RNF150: variants seen among roughly 807,000 people sequenced by gnomAD.
The protein encoded by RNF150 is ring finger protein 150.
In RNF150, 24 loss-of-function variants were observed where a neutral mutation model predicts 39.3. The ratio of observed to expected loss-of-function variants is 0.61; its 90% confidence interval spans 0.44 to 0.86. The LOEUF (loss-of-function observed/expected upper bound fraction) is 0.86, where lower values mean the gene tolerates loss of function less well. Among genes scored for constraint, RNF150 ranks in the 40% least tolerant of loss-of-function variants. RNF150 has a pLI of 0.00. For missense variants in RNF150, 502 were observed against 587.8 expected (o/e 0.85, Z 1.51); for synonymous variants, 255 against 227.3 (o/e 1.12, Z -1.10).
intron 4 of RNF150, among the ~76,000 whole-genome samples, chr4:140,941,484 A>G (rs1245510340): frequency 6.6e-6 from 1 of 152,218 alleles, no homozygotes; most frequent in South Asian, 2.1e-4. Flanking sequence ...TTTTAGAAAA[A>G]CAGAAGGATC....
rs139879657 is a variant in RNF150, at chr4:140,924,970, T to G, written c.987+1007A>C. On this transcript the variant is annotated intron_variant, in intron 5 of 6. Coordinates refer to ENST00000515673, the MANE Select transcript of RNF150 (RefSeq NM_020724.2). ...TCTGATATTCCTAAGATAATGCATC[T>G]CTGGCATTAAAGTAAACCTTTGATA... Among the ~76,000 whole-genome samples the G allele has an allele frequency of 1.5e-3, 228 of 152,332 alleles. 1 individual carries two copies. Among genetic ancestry groups the G allele is most frequent in the Middle Eastern group, 3.4e-3 (1 of 294 alleles).
intron 5 of RNF150, among the ~76,000 whole-genome samples, chr4:140,917,256 T>C (rs1730872883): frequency 6.6e-6 from 1 of 151,380 alleles, no homozygotes; most frequent in Admixed American, 6.6e-5. Flanking sequence ...GCAAATTGGA[T>C]GAGTCAAGAC....
At chr4:141,000,791 A>T (rs1398967110) in intron 1 of RNF150, among the ~76,000 whole-genome samples, 1 of 152,178 alleles carries the variant, frequency 6.6e-6, no homozygotes, top group African/African-American at 2.4e-5. Context: ...GTTGGGAGGG[A>T]GGCCACGTAA....
intron 1 of RNF150, among the ~76,000 whole-genome samples, chr4:141,188,520 A>G (rs1180053694): frequency 2.0e-5 from 3 of 152,074 alleles, no homozygotes; most frequent in Non-Finnish European, 4.4e-5. Context: ...ACAAAGTCCC[A>G]TATTTCTTGG....
intron 1 of RNF150, among the ~76,000 whole-genome samples, chr4:141,038,279 TA>T (rs1736223079): frequency 1.3e-5 from 2 of 152,160 alleles, no homozygotes; most frequent in African/African-American, 4.8e-5. Flanking sequence ...CAACCTTGGG[TA>T]GTACCACTTA....
At chr4:141,156,700 C>G (rs1450920291) in intron 1 of RNF150, among the ~76,000 whole-genome samples, 1 of 144,008 alleles carries the variant, frequency 6.9e-6, no homozygotes, top group African/African-American at 2.6e-5. Context: ...TTGAGACCAG[C>G]CTGACCAATA....
intron 1 of RNF150, among the ~76,000 whole-genome samples, chr4:141,092,093 C>T (rs1260176514): frequency 6.6e-6 from 1 of 152,158 alleles, no homozygotes; most frequent in Non-Finnish European, 1.5e-5. Flanking sequence ...CCTGTAATCC[C>T]AGCACTTTGG....
intron 2 of RNF150, among the ~76,000 whole-genome samples, chr4:140,952,215 C>T (rs1475537827): frequency 3.3e-5 from 5 of 151,922 alleles, no homozygotes; most frequent in African/African-American, 9.7e-5. Context: ...GGTTTCACTA[C>T]GTTGGCCAGG....
chr4:140,950,480 A>C (rs138344885), intron 2 of RNF150, among the ~76,000 whole-genome samples: 114 of 152,346 alleles, frequency 7.5e-4, no homozygotes, highest in African/African-American at 2.6e-3. Flanking sequence ...TACAGAGCTT[A>C]AGTAAGTTGT....
In RNF150 at chr4:140,917,910, T is replaced by C. The variant is rs190708934; in HGVS notation, c.988-6556A>G. On this transcript the variant is annotated intron_variant, in intron 5 of 6. Coordinates refer to ENST00000515673, the MANE Select transcript of RNF150 (RefSeq NM_020724.2). ...ACTCACTCAAAACCGCTCCACTACA[T>C]GGAAACTGAACAACCTGCTCCTGAA... Among the ~76,000 whole-genome samples the C allele has an allele frequency of 3.1e-3, 467 of 151,918 alleles. 3 individuals are homozygous for C. Among genetic ancestry groups the C allele is most frequent in the Non-Finnish European group, 5.7e-3 (386 of 67,966 alleles).
chr4:140,949,683 C>CT (rs1553994655), intron 2 of RNF150, among the ~76,000 whole-genome samples: 1 of 148,202 alleles, frequency 6.7e-6, no homozygotes, highest in African/African-American at 2.6e-5. Flanking sequence ...TACCCCCCCC[C>CT]AAAAAAAAAT....
intron 5 of RNF150, among the ~76,000 whole-genome samples, chr4:140,915,730 G>A (rs561864519): frequency 6.6e-6 from 1 of 152,194 alleles, no homozygotes; most frequent in Non-Finnish European, 1.5e-5. Flanking sequence ...TGAGATCTGA[G>A]AACGGGCAGA....
At chr4:141,094,545 G>A (rs1177373308) in intron 1 of RNF150, among the ~76,000 whole-genome samples, 1 of 152,262 alleles carries the variant, frequency 6.6e-6, no homozygotes, top group East Asian at 1.9e-4. Context: ...TACCGTGGTA[G>A]TGGATTTGTT....
intron 1 of RNF150, among the ~76,000 whole-genome samples, chr4:141,160,407 T>C (rs1320145493): frequency 6.6e-6 from 1 of 152,228 alleles, no homozygotes; most frequent in African/African-American, 2.4e-5. Flanking sequence ...TATATTTGTA[T>C]AAATCTAAAT....
At chr4:141,197,451 A>C (rs1728219264) in intron 1 of RNF150, among the ~76,000 whole-genome samples, 1 of 152,172 alleles carries the variant, frequency 6.6e-6, no homozygotes. Flanking sequence ...TTTGTAACTT[A>C]TTGTATTTTA....
chr4:140,975,541 T>C (rs1012291550), intron 1 of RNF150, among the ~76,000 whole-genome samples: 2 of 152,156 alleles, frequency 1.3e-5, no homozygotes, highest in African/African-American at 4.8e-5. Context: ...ATATTTGTGG[T>C]CCATTTTTAA....
intron 1 of RNF150, among the ~76,000 whole-genome samples, chr4:141,128,519 G>A (rs1344971019): frequency 6.6e-6 from 1 of 152,148 alleles, no homozygotes; most frequent in African/African-American, 2.4e-5. Context: ...TCACAGGCAG[G>A]CATCAGACCA....
intron 6 of RNF150, among the ~76,000 whole-genome samples, chr4:140,871,604 A>G (rs1204343764): frequency 6.6e-6 from 1 of 152,192 alleles, no homozygotes; most frequent in Non-Finnish European, 1.5e-5. Context: ...AAGAGCTCAT[A>G]ATGGAATGAA....
chr4:140,936,723 A>G (rs1731876387), intron 4 of RNF150, among the ~76,000 whole-genome samples: 1 of 152,186 alleles, frequency 6.6e-6, no homozygotes, highest in African/African-American at 2.4e-5. Context: ...TAAAAATAGT[A>G]TCACATTTTA....
Sources: gnomAD v4.1 joint callset for allele counts (sites outside exome capture counted in the v4.1 genomes callset) on GRCh38, gnomAD v4.1.1 for gene constraint, MANE v1.5 for transcripts, NCBI Gene and HGNC (gene_info 2026-07-23, HGNC 2026-07-21) for gene names.